LOXL2: variants seen among roughly 807,000 people sequenced by gnomAD.
The protein encoded by LOXL2 is lysyl oxidase homolog 2.
LOXL2 carries 70 observed loss-of-function variants against 93.0 expected under a neutral mutation model. The observed-to-expected ratio is 0.75, with a 90% CI of 0.62 to 0.92. The LOEUF (loss-of-function observed/expected upper bound fraction) is 0.92, where lower values mean the gene tolerates loss of function less well. Among genes scored for constraint, LOXL2 ranks in the 40% least tolerant of loss-of-function variants. The pLI, the probability that LOXL2 is intolerant of heterozygous loss-of-function variation, is 0.00. For missense variants in LOXL2, 973 were observed against 1,054.9 expected (o/e 0.92, Z 1.08); for synonymous variants, 438 against 413.2 (o/e 1.06, Z -0.73).
chr8:23,351,694 C>T (rs1279978916), intron 3 of LOXL2, among the ~76,000 whole-genome samples: 4 of 152,210 alleles, frequency 2.6e-5, no homozygotes, highest in Admixed American at 2.0e-4. Context: ...TATCCACATA[C>T]ACACCCTTTT....
At chr8:23,319,851 G>A (rs1254724886) in intron 8 of LOXL2, 34 bp downstream of exon 8, 1 of 1,604,544 alleles carries the variant, frequency 6.2e-7, no homozygotes, top group Non-Finnish European at 8.5e-7. Context: ...CTGCATGGGG[G>A]GTGAATGCGG....
chr8:23,315,888 G>A lies in LOXL2; in HGVS notation c.1636+1061C>T, dbSNP rs143461362. Among the ~76,000 whole-genome samples the A allele has an allele frequency of 2.5e-4, 38 of 152,284 alleles. No homozygotes were observed. The East Asian group carries it at 6.9e-3, about 28-fold the overall frequency. ...TTCCTTCTGGAAAAGATGGGATATT[G>A]CAAATATAAATAAATTGATAAATAA... is the stretch of plus-strand genomic sequence containing the variant. On this transcript the variant is annotated intron_variant, in intron 9 of 13. Coordinates refer to ENST00000389131, the MANE Select transcript of LOXL2 (RefSeq NM_002318.3).
At chr8:23,301,342 G>A (rs576937700) in intron 12 of LOXL2, among the ~76,000 whole-genome samples, 20 of 152,316 alleles carry the variant, frequency 1.3e-4, no homozygotes, top group African/African-American at 4.8e-4. Context: ...AGAACATGCC[G>A]CTGTTTTCAG....
At chr8:23,333,840 C>A (rs1159223984) in intron 4 of LOXL2, among the ~76,000 whole-genome samples, 2 of 152,198 alleles carry the variant, frequency 1.3e-5, no homozygotes, top group Admixed American at 6.5e-5. Flanking sequence ...AGAGGGTGGA[C>A]AAGGCCTCCT....
chr8:23,309,605 C>T (rs1311407933), intron 10 of LOXL2, 63 bp downstream of exon 10: 14 of 1,356,076 alleles, frequency 1.0e-5, no homozygotes, highest in Non-Finnish European at 1.3e-5. Flanking sequence ...TCTCAACTCC[C>T]ATCTGAGGCC....
At chr8:23,344,186 T>C (rs1470817503) in intron 3 of LOXL2, among the ~76,000 whole-genome samples, 2 of 152,206 alleles carry the variant, frequency 1.3e-5, no homozygotes, top group Non-Finnish European at 2.9e-5. Context: ...CTCTCGTTCC[T>C]GCGATGATGC....
chr8:23,314,508 T>C (rs940622800), intron 9 of LOXL2, among the ~76,000 whole-genome samples: 7 of 127,610 alleles, frequency 5.5e-5, no homozygotes, highest in Non-Finnish European at 1.0e-4. Context: ...ATGGATGAAA[T>C]TGGAAATCAT....
chr8:23,304,674 A>G (rs1356793651), intron 10 of LOXL2, among the ~76,000 whole-genome samples: 1 of 152,216 alleles, frequency 6.6e-6, no homozygotes, highest in African/African-American at 2.4e-5. Flanking sequence ...GCGAAGTGGT[A>G]GCACATTAGT....
chr8:23,383,319 A>ATGGG (rs1804705825), intron 1 of LOXL2, among the ~76,000 whole-genome samples: 2 of 148,676 alleles, frequency 1.3e-5, no homozygotes, highest in East Asian at 3.9e-4. Context: ...AAATTACCTT[A>ATGGG]TGGGTGTGTG....
At chr8:23,332,197 A>C (rs1234862992) in intron 5 of LOXL2, among the ~76,000 whole-genome samples, 4 of 138,400 alleles carry the variant, frequency 2.9e-5, no homozygotes, top group African/African-American at 5.4e-5. Flanking sequence ...CACACACCCC[A>C]CACACACCCA....
At chr8:23,339,985 G>A (rs908707694) in intron 4 of LOXL2, among the ~76,000 whole-genome samples, 1 of 152,176 alleles carries the variant, frequency 6.6e-6, no homozygotes. Flanking sequence ...TACAGCTGGG[G>A]CTTCAAGCCA....
intron 5 of LOXL2, among the ~76,000 whole-genome samples, chr8:23,332,290 C>A (rs1171248474): frequency 2.6e-5 from 3 of 116,792 alleles, no homozygotes; most frequent in Non-Finnish European, 5.2e-5. Context: ...CCCACACAGA[C>A]CCCCACACAC....
intron 3 of LOXL2, among the ~76,000 whole-genome samples, chr8:23,353,925 C>T (rs760279517): frequency 6.6e-6 from 1 of 152,182 alleles, no homozygotes; most frequent in Non-Finnish European, 1.5e-5. Context: ...GGGTACAAAC[C>T]TTGGTGGGGT....
At chr8:23,367,498 C>G (rs1023971098) in intron 2 of LOXL2, among the ~76,000 whole-genome samples, 2 of 152,216 alleles carry the variant, frequency 1.3e-5, no homozygotes, top group African/African-American at 2.4e-5. Flanking sequence ...AAACGATGAA[C>G]TCCACATGCC....
Position 23,388,623 on chromosome 8 carries a change from T to TCACA in LOXL2, c.-84+15327_-84+15330dup, listed in dbSNP as rs10522826. Among the ~76,000 whole-genome samples the TCACA allele has an allele frequency of 1.3e-3, 183 of 142,914 alleles. 2 individuals carry two copies. Among genetic ancestry groups the TCACA allele is most frequent in the Middle Eastern group, 3.6e-3 (1 of 280 alleles). 93.8% of individuals were successfully genotyped at this position (142,914 alleles called of 152,430 possible). On this transcript the variant is annotated intron_variant, in intron 1 of 13. Coordinates refer to ENST00000389131, the MANE Select transcript of LOXL2 (RefSeq NM_002318.3). ...CAAAAACAAAAAGCAAAAAATATAC[T>TCACA]CACACACACACACACACACACACAC...
Position 23,309,930 on chromosome 8 carries a change from T to C in LOXL2, c.1637-19A>G. On this transcript the variant is annotated intron_variant, in intron 9 of 13. Coordinates refer to ENST00000389131, the MANE Select transcript of LOXL2 (RefSeq NM_002318.3). The stretch of plus-strand genomic sequence containing the variant: ...GGGGCGGCTGCGGAGGATGGCATGC[T>C]GGTCAACAAGGCAAGAGACCCCTCC... The C allele has an allele frequency of 6.9e-7, 1 of 1,450,334 alleles. No homozygotes were observed. The highest frequency in any genetic ancestry group is 2.7e-5 in the East Asian group (1 of 37,452). The allele number at this position is 1,450,334 out of a possible 1,614,324, so 89.8% of individuals were successfully genotyped here. A position where few individuals can be genotyped will look rare whatever the true frequency, so the allele number is the denominator to read the frequency against.
intron 10 of LOXL2, among the ~76,000 whole-genome samples, chr8:23,306,738 A>T (rs539447404): frequency 1.3e-5 from 2 of 152,352 alleles, no homozygotes; most frequent in South Asian, 4.1e-4. Flanking sequence ...CTCTCCTGGG[A>T]TTCCCCCGAG....
chr8:23,375,934 T>C lies in LOXL2; in HGVS notation c.-83-7500A>G, dbSNP rs1027138499. Among the ~76,000 whole-genome samples the C allele has an allele frequency of 2.0e-5, 3 of 152,208 alleles. No individual in the cohort carries two copies. In the East Asian group the frequency reaches 5.8e-4, roughly 29 times the overall value. On this transcript the variant is annotated intron_variant, in intron 1 of 13. Coordinates refer to ENST00000389131, the MANE Select transcript of LOXL2 (RefSeq NM_002318.3). ...TCCTAATTGAATACCCTTTATTTTTTTCTCCTGCCTGATTGCCCTGGCCAG... is the reference window on the plus strand; with the variant it reads ...TCCTAATTGAATACCCTTTATTTTTCTCTCCTGCCTGATTGCCCTGGCCAG...
At chr8:23,310,263 T>G (rs963143345) in intron 9 of LOXL2, among the ~76,000 whole-genome samples, 1 of 152,198 alleles carries the variant, frequency 6.6e-6, no homozygotes, top group African/African-American at 2.4e-5. Flanking sequence ...GATTATATTA[T>G]TCTACTTCAA....
Sources: gnomAD v4.1 joint callset for allele counts (sites outside exome capture counted in the v4.1 genomes callset) on GRCh38, gnomAD v4.1.1 for gene constraint, MANE v1.5 for transcripts, NCBI Gene and HGNC (gene_info 2026-07-23, HGNC 2026-07-21) for gene names.